The following EEFSEC variants were observed in gnomAD, a reference collection of about 807,000 sequenced individuals.
EEFSEC encodes eukaryotic elongation factor, selenocysteine-tRNA specific.
Under a neutral mutation model 42.1 loss-of-function variants are expected in EEFSEC, and 43 were observed. The observed-to-expected ratio is 1.02, with a 90% confidence interval of 0.80 to 1.32. EEFSEC has a LOEUF of 1.32. EEFSEC is among the 40% of genes most tolerant of loss of function. EEFSEC has a pLI of 0.00. For missense variants in EEFSEC, 745 were observed against 803.6 expected (o/e 0.93, Z 0.88); for synonymous variants, 354 against 339.1 (o/e 1.04, Z -0.48).
In EEFSEC at chr3:128,206,606, G is replaced by A. The variant is rs570920849; in HGVS notation, c.317-40230G>A. Among the ~76,000 whole-genome samples the A allele has an allele frequency of 1.3e-4, 20 of 152,324 alleles. No homozygotes were observed. The South Asian group carries it at 4.1e-3, about 32-fold the overall frequency. On this transcript the variant is annotated intron_variant, in intron 1 of 6. Transcript: ENST00000254730. ...CAGCTGCTGGCAGTAGTTTCTCTTA[G>A]TGGCCATGGATCTGTGTGAAGAGGT...
chr3:128,262,038 A>C (rs996965416), intron 2 of EEFSEC, 90 bp from the exon 3 acceptor site: 74 of 1,201,366 alleles, frequency 6.2e-5, no homozygotes, highest in Non-Finnish European at 7.9e-5. Context: ...TGCTCACTGC[A>C]CTTGGTACTG....
chr3:128,290,883 T>C (rs574953487), intron 4 of EEFSEC, among the ~76,000 whole-genome samples: 19 of 152,222 alleles, frequency 1.2e-4, no homozygotes, highest in African/African-American at 4.6e-4. Context: ...GAAGCGGGAT[T>C]ACAGGTGCCC....
At chr3:128,339,195 C>T (rs1053130127) in intron 4 of EEFSEC, among the ~76,000 whole-genome samples, 5 of 152,124 alleles carry the variant, frequency 3.3e-5, no homozygotes, top group African/African-American at 7.2e-5. Context: ...TGACACTGTG[C>T]GTCTCACTTT....
intron 2 of EEFSEC, among the ~76,000 whole-genome samples, chr3:128,261,147 T>C (rs2107926560): frequency 6.6e-6 from 1 of 152,254 alleles, no homozygotes; most frequent in South Asian, 2.1e-4. Context: ...TGGAGAGAAG[T>C]GTGACAAAGA....
chr3:128,308,634 T>C (rs2066857404), intron 4 of EEFSEC, among the ~76,000 whole-genome samples: 1 of 152,236 alleles, frequency 6.6e-6, no homozygotes. Context: ...TATCAAATTT[T>C]ATGAAGAATC....
At chr3:128,156,852 C>A (rs745673328) in intron 1 of EEFSEC, among the ~76,000 whole-genome samples, 3 of 152,202 alleles carry the variant, frequency 2.0e-5, no homozygotes, top group African/African-American at 4.8e-5. Context: ...TAAAATTCAT[C>A]CAGCTAATAG....
At chr3:128,334,508 C>T (rs1487360316) in intron 4 of EEFSEC, among the ~76,000 whole-genome samples, 1 of 152,364 alleles carries the variant, frequency 6.6e-6, no homozygotes, top group East Asian at 1.9e-4. Flanking sequence ...TTTATCGTCC[C>T]AAGTCTCAGC....
chr3:128,327,573 A>G (rs2067078882), intron 4 of EEFSEC, among the ~76,000 whole-genome samples: 2 of 152,190 alleles, frequency 1.3e-5, no homozygotes, highest in African/African-American at 2.4e-5. Context: ...AATTAAAGCC[A>G]GTGGAAGGAA....
At chr3:128,170,103 C>T (rs2065280009) in intron 1 of EEFSEC, among the ~76,000 whole-genome samples, 1 of 152,194 alleles carries the variant, frequency 6.6e-6, no homozygotes, top group South Asian at 2.1e-4. Flanking sequence ...CAGAACTGGA[C>T]ACTCACTGTA....
intron 2 of EEFSEC, among the ~76,000 whole-genome samples, chr3:128,258,690 C>T (rs1051759874): frequency 1.3e-5 from 2 of 152,158 alleles, no homozygotes; most frequent in African/African-American, 4.8e-5. Flanking sequence ...TGATAGCAAA[C>T]TGTCATAGTA....
chr3:128,307,463 A>G (rs113264389), intron 4 of EEFSEC, among the ~76,000 whole-genome samples: 31 of 152,154 alleles, frequency 2.0e-4, no homozygotes, highest in African/African-American at 6.5e-4. Flanking sequence ...TAGCATGAAA[A>G]CTTCCTGGAA....
At chr3:128,398,373 T>A (rs992667222) in intron 6 of EEFSEC, among the ~76,000 whole-genome samples, 3 of 152,000 alleles carry the variant, frequency 2.0e-5, no homozygotes, top group Admixed American at 1.3e-4. Flanking sequence ...AGTGCTGAGA[T>A]GGAAGAGGAA....
In EEFSEC at chr3:128,341,344, C is replaced by CGCGG. The variant is rs1476423384; in HGVS notation, c.900_903dup (p.Leu302ArgfsTer42). 2 of 1,614,072 alleles carry CGCGG rather than the reference C, an allele frequency of 1.2e-6. No homozygotes were observed. Among genetic ancestry groups the CGCGG allele is most frequent in the African/African-American group, 2.7e-5 (2 of 74,928 alleles). On this transcript the variant is annotated frameshift_variant, in exon 5 of 7. Coordinates refer to ENST00000254730, the MANE Select transcript of EEFSEC (RefSeq NM_021937.5). LOFTEE classifies it high-confidence loss of function. ...CCAGTTTGACCCTAAGCTGCTGGAG[C>CGCGG]GCGGGTTGGTGTGTGCCCCCGAGTC... is the stretch of plus-strand genomic sequence containing the variant.
chr3:128,222,047 T>C (rs1406052423), intron 1 of EEFSEC, among the ~76,000 whole-genome samples: 1 of 147,642 alleles, frequency 6.8e-6, no homozygotes, highest in Non-Finnish European at 1.5e-5. Flanking sequence ...TTTTTTTTTT[T>C]TTTTGAGACA....
chr3:128,158,478 T>A (rs1944417408), intron 1 of EEFSEC, among the ~76,000 whole-genome samples: 1 of 152,178 alleles, frequency 6.6e-6, no homozygotes, highest in African/African-American at 2.4e-5. Flanking sequence ...CTTATTTCAT[T>A]AGATTGCCAC....
intron 6 of EEFSEC, among the ~76,000 whole-genome samples, chr3:128,372,602 C>G (rs943750264): frequency 6.6e-5 from 10 of 152,254 alleles, no homozygotes; most frequent in African/African-American, 2.4e-4. Flanking sequence ...TCTGCCACTA[C>G]TACCACTGTT....
At chr3:128,197,627 A>G (rs2065598699) in intron 1 of EEFSEC, among the ~76,000 whole-genome samples, 2 of 152,058 alleles carry the variant, frequency 1.3e-5, no homozygotes, top group Non-Finnish European at 2.9e-5. Context: ...GGCTGTACCA[A>G]TCTACACTCC....
chr3:128,222,035 T>TG (rs796109394), intron 1 of EEFSEC, among the ~76,000 whole-genome samples: 1 of 143,172 alleles, frequency 7.0e-6, no homozygotes, highest in Admixed American at 6.9e-5. Context: ...GTTTTTTTTT[T>TG]TTTTTTTTTT....
At chr3:128,192,973 G>A (rs2065542120) in intron 1 of EEFSEC, among the ~76,000 whole-genome samples, 1 of 152,188 alleles carries the variant, frequency 6.6e-6, no homozygotes, top group African/African-American at 2.4e-5. Context: ...GGGTTTTAGA[G>A]CCTGGGTTCA....
Sources: gnomAD v4.1 joint callset for allele counts (sites outside exome capture counted in the v4.1 genomes callset) on GRCh38, gnomAD v4.1.1 for gene constraint, MANE v1.5 for transcripts, NCBI Gene and HGNC (gene_info 2026-07-23, HGNC 2026-07-21) for gene names.